Variants in CDH17 observed in about 807,000 individuals in gnomAD.
The protein encoded by CDH17 is cadherin-17.
A neutral mutation model predicts 86.3 loss-of-function variants in CDH17; 67 were observed. That is an observed-to-expected ratio of 0.78 (90% confidence interval 0.64 to 0.95). The LOEUF is 0.95. CDH17 is among the 40% of genes least tolerant of loss of function. The probability of loss-of-function intolerance (pLI) is 0.00; values close to 1 mark genes in which losing one functional copy is unlikely to be tolerated. For synonymous variants in CDH17, 367 were observed against 366.4 expected (o/e 1.00, Z -0.02); for missense variants, 993 against 1,017.6 (o/e 0.98, Z 0.33).
intron 15 of CDH17, 46 bp downstream of exon 15, chr8:94,145,882 T>G (rs1163223157): frequency 6.3e-7 from 1 of 1,578,262 alleles, no homozygotes; most frequent in South Asian, 1.2e-5. Flanking sequence ...AAAACCTACT[T>G]TCATCATCCA....
chr8:94,156,280 A>G (rs1375200416), intron 12 of CDH17, among the ~76,000 whole-genome samples: 2 of 152,224 alleles, frequency 1.3e-5, no homozygotes, highest in Admixed American at 1.3e-4. Context: ...GATGATATCA[A>G]AGTGTGCACA....
rs547907658 is a variant in CDH17 at position 94,170,501 on chromosome 8, G to A, written c.962C>T (p.Ser321Leu). ...TTTTACATGAATTTCCAGCGGATAT[G>A]AAAGTGGTTTTCCGTACTCATCCTT... Reference protein sequence around the residue: ...VAKDEYGKPLSYPLEIHVKVK... With the variant: ...VAKDEYGKPLLYPLEIHVKVK... The change falls in exon 9 of 18, where the codon TCA becomes TTA. Residue 321 changes from serine to leucine, a missense_variant. By Grantham distance (145) the Ser-to-Leu change is moderately radical. Coordinates refer to ENST00000027335, the MANE Select transcript of CDH17 (RefSeq NM_004063.4). The A allele has an allele frequency of 2.5e-6, 4 of 1,613,732 alleles. No homozygotes were observed. The East Asian group carries it at 8.9e-5, about 36-fold the overall frequency.
At chr8:94,202,575 GC>G in intron 1 of CDH17, 1 of 167,098 alleles carries the variant, frequency 6.0e-6, no homozygotes, top group Non-Finnish European at 1.3e-5. Flanking sequence ...ACAAGCTACT[GC>G]CCAGCTGCTC....
At chr8:94,201,648 A>G (rs1409174388) in intron 1 of CDH17, among the ~76,000 whole-genome samples, 2 of 152,176 alleles carry the variant, frequency 1.3e-5, no homozygotes, top group Non-Finnish European at 2.9e-5. Context: ...CTGCTGTTTA[A>G]GCCTCCCGTT....
intron 3 of CDH17, among the ~76,000 whole-genome samples, chr8:94,179,650 C>T (rs1813440650): frequency 6.6e-6 from 1 of 152,214 alleles, no homozygotes. Context: ...TGTGTCCCAA[C>T]ATGCACACAG....
rs1301062388 is a variant in CDH17 at position 94,145,983 on chromosome 8, T to A, written c.2112A>T (p.Thr704=). The A allele has an allele frequency of 1.2e-6, 2 of 1,613,700 alleles. No individual in the cohort carries two copies. Among genetic ancestry groups the A allele is most frequent in the Non-Finnish European group, 1.7e-6 (2 of 1,179,840 alleles). Residue 704 remains threonine, a synonymous_variant, in exon 15 of 18, where the codon ACA becomes ACT. Transcript: ENST00000027335. ...GTAAGCTTCCACTGCCGAGGGAAAATGTAAAATGGGGACCCCGAAATAAGT... is the reference window on the plus strand; with the variant it reads ...GTAAGCTTCCACTGCCGAGGGAAAAAGTAAAATGGGGACCCCGAAATAAGT... ...DQHLFRGPHF[T]FSLGSGSLQN... is the part of the protein sequence containing the mutation.
intron 12 of CDH17, among the ~76,000 whole-genome samples, chr8:94,153,976 A>G (rs1459360954): frequency 6.6e-6 from 1 of 152,234 alleles, no homozygotes; most frequent in East Asian, 1.9e-4. Flanking sequence ...ACAACGTGGT[A>G]CTATAGTTAA....
chr8:94,179,159 T>C (rs910707121), intron 3 of CDH17, among the ~76,000 whole-genome samples: 1 of 151,934 alleles, frequency 6.6e-6, no homozygotes, highest in Admixed American at 6.6e-5. Context: ...CACAGTACCA[T>C]GGAGAGGGTG....
intron 12 of CDH17, among the ~76,000 whole-genome samples, chr8:94,159,456 A>G (rs1813006358): frequency 6.6e-6 from 1 of 152,188 alleles, no homozygotes; most frequent in Admixed American, 6.5e-5. Context: ...GCACATTAGA[A>G]TAAAGGGTTT....
At chr8:94,170,123 G>A (rs570286576) in intron 9 of CDH17, among the ~76,000 whole-genome samples, 6 of 152,296 alleles carry the variant, frequency 3.9e-5, no homozygotes, top group African/African-American at 1.2e-4. Flanking sequence ...TAGTGTAGGT[G>A]GCTGTGATAC....
upstream of CDH17, among the ~76,000 whole-genome samples, chr8:94,209,857 T>C (rs1282573199): frequency 2.0e-5 from 3 of 152,202 alleles, no homozygotes; most frequent in Non-Finnish European, 2.9e-5. Context: ...CACAGCATTG[T>C]TCATAAAGAA....
At chr8:94,134,097 G>A (rs1327075234) in intron 15 of CDH17, among the ~76,000 whole-genome samples, 1 of 152,186 alleles carries the variant, frequency 6.6e-6, no homozygotes, top group Non-Finnish European at 1.5e-5. Context: ...GTTCATCAAG[G>A]ATACTGGTCT....
At chr8:94,188,481 G>A (rs1370247245) in intron 3 of CDH17, among the ~76,000 whole-genome samples, 3 of 152,154 alleles carry the variant, frequency 2.0e-5, no homozygotes, top group Middle Eastern at 6.3e-3. Context: ...GCACCCCCAA[G>A]AAGGCTCATC....
intron 4 of CDH17, 150 bp downstream of exon 4, chr8:94,177,437 A>G: frequency 1.3e-6 from 1 of 798,888 alleles, no homozygotes. Flanking sequence ...TTGGTAAGAA[A>G]TGGACATGTG....
intron 11 of CDH17, 144 bp from the exon 12 acceptor site, chr8:94,160,306 T>C: frequency 1.7e-6 from 1 of 605,726 alleles, no homozygotes; most frequent in South Asian, 2.5e-5. Context: ...TATTGATGAA[T>C]ATATTGCAGT....
chr8:94,159,560 G>A (rs13271274), intron 12 of CDH17, among the ~76,000 whole-genome samples: 37 of 152,002 alleles, frequency 2.4e-4, no homozygotes, highest in East Asian at 3.9e-4. Flanking sequence ...CTCCCAGACC[G>A]TAAGAGTGTT....
At chr8:94,177,119 T>A (rs1298500703) in intron 4 of CDH17, among the ~76,000 whole-genome samples, 2 of 152,118 alleles carry the variant, frequency 1.3e-5, no homozygotes, top group African/African-American at 4.8e-5. Flanking sequence ...CGGTGAAAAC[T>A]AAAGGAGAAA....
intron 1 of CDH17, among the ~76,000 whole-genome samples, chr8:94,205,110 T>C (rs1220159333): frequency 6.6e-6 from 1 of 152,152 alleles, no homozygotes; most frequent in Non-Finnish European, 1.5e-5. Context: ...AATTTCAGCA[T>C]TGACTTCCCT....
intron 12 of CDH17, among the ~76,000 whole-genome samples, chr8:94,153,251 C>G (rs1460833522): frequency 1.3e-5 from 2 of 151,924 alleles, no homozygotes; most frequent in South Asian, 2.1e-4. Context: ...AAATAGCCAA[C>G]AAGTATATGG....
Sources: allele counts gnomAD v4.1 joint callset (sites outside exome capture counted in the v4.1 genomes callset), GRCh38; gene constraint gnomAD v4.1.1; transcripts MANE v1.5; gene names NCBI Gene and HGNC (gene_info 2026-07-23, HGNC 2026-07-21).